Variants in DCC observed in about 807,000 individuals in gnomAD.
DCC encodes netrin receptor DCC.
In DCC, 58 loss-of-function variants were observed where a neutral mutation model predicts 172.5. The observed-to-expected ratio is 0.34, with a 90% CI of 0.27 to 0.42. DCC has a LOEUF of 0.42. DCC is among the 10% of genes least tolerant of loss of function. The pLI, the probability that DCC is intolerant of heterozygous loss-of-function variation, is 1.00. For synonymous variants in DCC, 709 were observed against 644.5 expected, an observed-to-expected ratio of 1.10 and a Z score of -1.52; for missense variants, 1,740 against 1,791.0, an observed-to-expected ratio of 0.97 and a Z score of 0.51.
intron 1 of DCC, among the ~76,000 whole-genome samples, chr18:52,342,274 TGTGTGC>T (rs990435594): frequency 9.3e-6 from 1 of 107,956 alleles, no homozygotes; most frequent in Non-Finnish European, 2.1e-5. Flanking sequence ...GGGGTGTGTG[TGTGTGC>T]GTGTGTGTGT....
At chr18:53,270,332 A>G (rs1255924684) in intron 12 of DCC, among the ~76,000 whole-genome samples, 2 of 152,134 alleles carry the variant, frequency 1.3e-5, no homozygotes, top group African/African-American at 2.4e-5. Flanking sequence ...TAACTATAGT[A>G]AGGAATTCCT....
chr18:53,295,374 G>C (rs547240387), intron 12 of DCC, among the ~76,000 whole-genome samples: 1 of 151,960 alleles, frequency 6.6e-6, no homozygotes, highest in South Asian at 2.1e-4. Context: ...ATCCATGCTG[G>C]GTTGGTAAAA....
chr18:53,161,888 C>A (rs2054845327), intron 8 of DCC, among the ~76,000 whole-genome samples: 1 of 152,092 alleles, frequency 6.6e-6, no homozygotes, highest in African/African-American at 2.4e-5. Flanking sequence ...TATTGGAAGG[C>A]TGGTTATGAT....
chr18:52,622,171 G>A (rs1446546251), intron 1 of DCC, among the ~76,000 whole-genome samples: 1 of 152,092 alleles, frequency 6.6e-6, no homozygotes, highest in Non-Finnish European at 1.5e-5. Flanking sequence ...TTTAATTTCT[G>A]CCACCATTCT....
intron 2 of DCC, among the ~76,000 whole-genome samples, chr18:52,773,909 AG>A (rs113766647): frequency 6.6e-4 from 101 of 152,306 alleles, no homozygotes; most frequent in African/African-American, 2.4e-3. Flanking sequence ...AATCAGATAC[AG>A]GGGGAAGACA....
chr18:53,321,502 T>C (rs2057411161), intron 13 of DCC, among the ~76,000 whole-genome samples: 1 of 152,172 alleles, frequency 6.6e-6, no homozygotes, highest in Non-Finnish European at 1.5e-5. Context: ...AAAATCATCA[T>C]AGGGATTGAT....
At chr18:53,062,152 AG>A (rs2042504041) in intron 5 of DCC, among the ~76,000 whole-genome samples, 1 of 152,122 alleles carries the variant, frequency 6.6e-6, no homozygotes, top group Non-Finnish European at 1.5e-5. Context: ...GAAATAATAA[AG>A]AAAGAGAGAG....
intron 1 of DCC, among the ~76,000 whole-genome samples, chr18:52,736,896 A>G (rs2036738999): frequency 6.6e-6 from 1 of 152,102 alleles, no homozygotes; most frequent in South Asian, 2.1e-4. Context: ...TTATGGGGGA[A>G]CCCACATTTG....
chr18:52,515,444 A>G (rs959931196), intron 1 of DCC, among the ~76,000 whole-genome samples: 2 of 150,998 alleles, frequency 1.3e-5, no homozygotes, highest in African/African-American at 4.9e-5. Context: ...TGTCTCTACT[A>G]AAAATACAAA....
chr18:53,437,726 A>G (rs185504478), intron 22 of DCC, among the ~76,000 whole-genome samples: 1 of 152,212 alleles, frequency 6.6e-6, no homozygotes, highest in East Asian at 1.9e-4. Flanking sequence ...CAATTTCATT[A>G]GCTCACTCTC....
intron 10 of DCC, among the ~76,000 whole-genome samples, chr18:53,206,027 CAT>C (rs1251758212): frequency 2.1e-5 from 2 of 94,386 alleles, no homozygotes; most frequent in Admixed American, 1.2e-4. Context: ...AATTGAGTTT[CAT>C]ATATATGTGT....
At chr18:52,739,355 G>A (rs1443074989) in intron 1 of DCC, among the ~76,000 whole-genome samples, 1 of 152,030 alleles carries the variant, frequency 6.6e-6, no homozygotes, top group Non-Finnish European at 1.5e-5. Context: ...GTCTATCTAT[G>A]TTTGGTTATT....
At chr18:52,790,316 C>CTT (rs2145203798) in intron 2 of DCC, among the ~76,000 whole-genome samples, 1 of 152,288 alleles carries the variant, frequency 6.6e-6, no homozygotes, top group African/African-American at 2.4e-5. Context: ...ACACACAAAG[C>CTT]ACACCAGATT....
At chr18:52,621,160 A>T (rs921861356) in intron 1 of DCC, among the ~76,000 whole-genome samples, 1 of 152,216 alleles carries the variant, frequency 6.6e-6, no homozygotes, top group Non-Finnish European at 1.5e-5. Flanking sequence ...ACTGCTTTTT[A>T]TGTTTAACTT....
intron 12 of DCC, among the ~76,000 whole-genome samples, chr18:53,289,047 T>G (rs2056967590): frequency 6.6e-6 from 1 of 152,148 alleles, no homozygotes; most frequent in South Asian, 2.1e-4. Flanking sequence ...AATCCTTGAT[T>G]TGCCAGGAGG....
At chr18:52,778,268 A>G (rs1409365033) in intron 2 of DCC, among the ~76,000 whole-genome samples, 1 of 152,208 alleles carries the variant, frequency 6.6e-6, no homozygotes, top group Non-Finnish European at 1.5e-5. Context: ...TTAAATGTGC[A>G]CTAATACATA....
At chr18:52,429,418 G>C (rs1284273009) in intron 1 of DCC, among the ~76,000 whole-genome samples, 1 of 152,028 alleles carries the variant, frequency 6.6e-6, no homozygotes. Flanking sequence ...CTGCTTTTTA[G>C]GATGCTAAAG....
intron 26 of DCC, among the ~76,000 whole-genome samples, chr18:53,488,098 A>G (rs2045922110): frequency 6.6e-6 from 1 of 152,174 alleles, no homozygotes; most frequent in Admixed American, 6.5e-5. Flanking sequence ...TTTCTTGTAT[A>G]TTCTCTGACT....
At chr18:52,663,452 C>G (rs998434004) in intron 1 of DCC, among the ~76,000 whole-genome samples, 9 of 152,160 alleles carry the variant, frequency 5.9e-5, no homozygotes, top group African/African-American at 1.9e-4. Flanking sequence ...TGTTGTACTG[C>G]TAAGTGGACC....
Sources: gnomAD v4.1 joint callset for allele counts (sites outside exome capture counted in the v4.1 genomes callset) on GRCh38, gnomAD v4.1.1 for gene constraint, MANE v1.5 for transcripts, NCBI Gene and HGNC (gene_info 2026-07-23, HGNC 2026-07-21) for gene names.